RASGEF1C: variants seen among roughly 807,000 people sequenced by gnomAD.
The protein encoded by RASGEF1C is ras-GEF domain-containing family member 1C.
In RASGEF1C, 27 loss-of-function variants were observed where a neutral mutation model predicts 58.1. That is an observed-to-expected ratio of 0.46 (90% confidence interval 0.34 to 0.64). The LOEUF (loss-of-function observed/expected upper bound fraction) is 0.64, where lower values mean the gene tolerates loss of function less well. RASGEF1C is among the 30% of genes least tolerant of loss of function. The probability of loss-of-function intolerance (pLI) is 0.01; values close to 1 mark genes in which losing one functional copy is unlikely to be tolerated. For synonymous variants in RASGEF1C, 243 were observed against 246.3 expected (o/e 0.99, Z 0.13); for missense variants, 502 against 605.1 (o/e 0.83, Z 1.79).
rs542174745 is a variant in RASGEF1C, at chr5:180,163,780, C to T, written c.-6-25722G>A. On this transcript the variant is annotated intron_variant, in intron 1 of 13. Transcript: ENST00000361132. Reference sequence around the variant, plus strand: ...TTGATTTCAAAAAACCAAACCTCTTCTATTTTCTGAAAGCGACAGTATAGA... The same window carrying T: ...TTGATTTCAAAAAACCAAACCTCTTTTATTTTCTGAAAGCGACAGTATAGA... 9.2e-5 allele frequency among the ~76,000 whole-genome samples: 14 copies of T among 152,252 alleles called. No individual in the cohort carries two copies. The South Asian group carries it at 2.9e-3, about 32-fold the overall frequency.
intron 1 of RASGEF1C, among the ~76,000 whole-genome samples, chr5:180,160,909 C>T (rs1766933516): frequency 6.6e-6 from 1 of 152,154 alleles, no homozygotes; most frequent in Non-Finnish European, 1.5e-5. Flanking sequence ...TACAGTATAA[C>T]ACAATGTGGC....
rs267600582 is a variant in RASGEF1C, at chr5:180,121,148, G to A, written c.716C>T (p.Pro239Leu). 2 of 1,612,672 alleles carry A rather than the reference G, an allele frequency of 1.2e-6. No homozygotes were observed. The highest frequency in any genetic ancestry group is 1.7e-6 in the Non-Finnish European group (2 of 1,178,814). Residue 239 changes from proline (P) to leucine (L), a missense_variant and splice_region_variant, in exon 7 of 14, where the codon CCC (proline) becomes CTC (leucine). Physicochemically the swap from Pro to Leu is moderately conservative, Grantham distance 98. Coordinates refer to ENST00000361132, the MANE Select transcript of RASGEF1C (RefSeq NM_175062.4). The part of the protein sequence containing the change: ...VNKDPLASTK[P>L]CFSDKTSNLE... ...GTTGCTGGTCTTGTCACTGAAGCAG[G>A]GCTAGAACAAACACAGCACACGGGA...
chr5:180,112,926 CGGGATGGACGGAGGGACCG>C (rs1262947540), intron 11 of RASGEF1C, among the ~76,000 whole-genome samples: 3,110 of 48,888 alleles, frequency 0.064, 277 homozygotes, highest in East Asian at 0.13. Context: ...CAGAGGGATC[CGGGATGGACGGAGGGACCG>C]GGGATGGACG....
At chr5:180,159,808 C>T (rs761252104) in intron 1 of RASGEF1C, among the ~76,000 whole-genome samples, 2 of 152,330 alleles carry the variant, frequency 1.3e-5, no homozygotes, top group East Asian at 1.9e-4. Flanking sequence ...AAAAGTCCCA[C>T]GGGTGTACTT....
intron 1 of RASGEF1C, among the ~76,000 whole-genome samples, chr5:180,141,276 T>G (rs1766575488): frequency 6.6e-6 from 1 of 152,208 alleles, no homozygotes; most frequent in African/African-American, 2.4e-5. Flanking sequence ...ATTGTTTGGA[T>G]GTCCACAAAT....
intron 1 of RASGEF1C, among the ~76,000 whole-genome samples, chr5:180,141,917 C>G (rs568737716): frequency 2.6e-4 from 40 of 152,084 alleles, no homozygotes; most frequent in Admixed American, 5.2e-4. Flanking sequence ...ACCATGTTAG[C>G]CAGGATGGTC....
chr5:180,205,365 G>C (rs1756469345), intron 1 of RASGEF1C, among the ~76,000 whole-genome samples: 1 of 152,082 alleles, frequency 6.6e-6, no homozygotes, highest in Admixed American at 6.6e-5. Flanking sequence ...AAATACTCAT[G>C]AATAAACTTC....
chr5:180,157,627 C>A (rs1462675464), intron 1 of RASGEF1C, among the ~76,000 whole-genome samples: 122 of 131,176 alleles, frequency 9.3e-4, no homozygotes, highest in South Asian at 9.6e-4. Flanking sequence ...AACTCCGTCT[C>A]AAAAAAAAAA....
intron 1 of RASGEF1C, among the ~76,000 whole-genome samples, chr5:180,162,275 C>T (rs1485248117): frequency 3.9e-5 from 6 of 152,224 alleles, no homozygotes; most frequent in Non-Finnish European, 7.3e-5. Context: ...CTTCCTGGGC[C>T]ATGGATGTGG....
intron 12 of RASGEF1C, among the ~76,000 whole-genome samples, chr5:180,103,917 CATTG>C (rs772261166): frequency 1.3e-4 from 20 of 152,164 alleles, no homozygotes; most frequent in Non-Finnish European, 2.4e-4. Context: ...GCCTTTTCTG[CATTG>C]ATTAATATAA....
At chr5:180,190,462 A>C (rs111866215) in intron 1 of RASGEF1C, among the ~76,000 whole-genome samples, 19,191 of 109,128 alleles carry the variant, frequency 0.18, 2,167 homozygotes, top group Middle Eastern at 0.25. Context: ...TGCACTCCAG[A>C]CTGGGTGACA....
At chr5:180,180,247 G>T (rs991503566) in intron 1 of RASGEF1C, among the ~76,000 whole-genome samples, 1 of 152,230 alleles carries the variant, frequency 6.6e-6, no homozygotes, top group African/African-American at 2.4e-5. Flanking sequence ...TCGACAAAGA[G>T]CAGGTCTGAT....
intron 12 of RASGEF1C, among the ~76,000 whole-genome samples, chr5:180,107,590 TA>T (rs960702613): frequency 1.3e-4 from 20 of 151,868 alleles, no homozygotes; most frequent in South Asian, 2.1e-4. Flanking sequence ...TTTTAATATT[TA>T]AAAAAAAATT....
chr5:180,200,442 C>G (rs1480219107), intron 1 of RASGEF1C, among the ~76,000 whole-genome samples: 1 of 149,906 alleles, frequency 6.7e-6, no homozygotes, highest in Non-Finnish European at 1.5e-5. Context: ...CCCGAGTAGC[C>G]GGGACTACAG....
chr5:180,152,327 T>C (rs924119384), intron 1 of RASGEF1C, among the ~76,000 whole-genome samples: 4 of 152,150 alleles, frequency 2.6e-5, no homozygotes, highest in Admixed American at 6.5e-5. Context: ...TGTCCAACAA[T>C]GATAGACTGG....
chr5:180,145,644 C>G (rs1766651728), intron 1 of RASGEF1C, among the ~76,000 whole-genome samples: 1 of 152,048 alleles, frequency 6.6e-6, no homozygotes, highest in African/African-American at 2.4e-5. Flanking sequence ...CTGTTCAAGA[C>G]TTTTCCCCAC....
intron 4 of RASGEF1C, among the ~76,000 whole-genome samples, chr5:180,134,879 T>G (rs1193803280): frequency 7.4e-6 from 1 of 135,212 alleles, no homozygotes; most frequent in Non-Finnish European, 1.6e-5. Context: ...CTTCCTACAT[T>G]TCTCCCTCTC....
At chr5:180,169,606 G>A (rs1315547971) in intron 1 of RASGEF1C, among the ~76,000 whole-genome samples, 4 of 151,194 alleles carry the variant, frequency 2.6e-5, no homozygotes, top group Non-Finnish European at 5.9e-5. Context: ...GTGGGGGCAG[G>A]GGGGCGGGCT....
chr5:180,184,272 C>T (rs1171000313), intron 1 of RASGEF1C, among the ~76,000 whole-genome samples: 2 of 151,444 alleles, frequency 1.3e-5, no homozygotes, highest in African/African-American at 4.9e-5. Flanking sequence ...CTAAACAATC[C>T]AATTAAAAGG....
Sources: gnomAD v4.1 joint callset for allele counts (sites outside exome capture counted in the v4.1 genomes callset) on GRCh38, gnomAD v4.1.1 for gene constraint, MANE v1.5 for transcripts, NCBI Gene and HGNC (gene_info 2026-07-23, HGNC 2026-07-21) for gene names.